MYH14: variants seen among roughly 807,000 people sequenced by gnomAD.
MYH14 encodes myosin heavy chain 14.
A neutral mutation model predicts 255.5 loss-of-function variants in MYH14; 123 were observed. The observed-to-expected ratio is 0.48, with a 90% CI of 0.42 to 0.56. The LOEUF (loss-of-function observed/expected upper bound fraction) is 0.56, where lower values mean the gene tolerates loss of function less well. MYH14 is among the 20% of genes least tolerant of loss of function. The pLI, the probability that MYH14 is intolerant of heterozygous loss-of-function variation, is 0.00. For missense variants in MYH14, 2,423 were observed against 2,802.3 expected (o/e 0.86, Z 3.06); for synonymous variants, 1,095 against 1,161.2 (o/e 0.94, Z 1.16).
In MYH14 at chr19:50,302,268, T is replaced by C. The variant is rs1489066415; in HGVS notation, c.5678+399T>C. ...CACTGCACTCCAGCCTGAGTAACAG[T>C]GGAAGACCTTGTCTCTAAAAAAAAA... On this transcript the variant is annotated intron_variant, in intron 40 of 42. Coordinates refer to ENST00000642316, the MANE Select transcript of MYH14 (RefSeq NM_001145809.2). 2.3e-5 allele frequency among the ~76,000 whole-genome samples: 3 copies of C among 131,588 alleles called. No homozygotes were observed. The East Asian group carries it at 6.9e-4, about 30-fold the overall frequency. The allele number at this position is 131,588 out of a possible 152,430, so 86.3% of individuals were successfully genotyped here. A position where few individuals can be genotyped will look rare whatever the true frequency, so the allele number is the denominator to read the frequency against.
intron 30 of MYH14, 42 bp downstream of exon 30, chr19:50,278,331 T>C (rs2123413204): frequency 1.4e-6 from 2 of 1,405,406 alleles, no homozygotes; most frequent in Non-Finnish European, 1.9e-6. Flanking sequence ...CTGTGTGACC[T>C]TGGTGACATG....
rs1480729843 is a variant in MYH14 at position 50,210,386 on chromosome 19, G to C, written c.21G>C (p.Ser7=). The part of the protein sequence containing the change: MAAVTM[S]VPGRKAPPRP... The stretch of plus-strand genomic sequence containing the variant: ...AGACCATGGCAGCCGTGACCATGTC[G>C]GTGCCCGGGCGGAAGGCGCCCCCCA... The change falls in exon 2 of 43, where the codon TCG becomes TCC. Residue 7 remains serine, a synonymous_variant. Transcript: ENST00000642316. 3 of 1,586,418 alleles carry C rather than the reference G, an allele frequency of 1.9e-6. No individual in the cohort carries two copies. Among genetic ancestry groups the C allele is most frequent in the Non-Finnish European group, 2.6e-6 (3 of 1,167,964 alleles).
chr19:50,271,164 A>G (rs1600992226), intron 24 of MYH14, among the ~76,000 whole-genome samples: 1 of 151,770 alleles, frequency 6.6e-6, no homozygotes, highest in Non-Finnish European at 1.5e-5. Flanking sequence ...AGTCACTTTT[A>G]CCCATCCTCA....
Position 50,221,081 on chromosome 19 carries a change from G to A in MYH14, c.563-2002G>A, listed in dbSNP as rs760949169. Among the ~76,000 whole-genome samples, 2 of 152,130 alleles carry A rather than the reference G, an allele frequency of 1.3e-5. No individual in the cohort carries two copies. Among genetic ancestry groups the A allele is most frequent in the Admixed American group, 6.5e-5 (1 of 15,276 alleles). ...AAAACAGTCATGGTCACACTGGTGGGTGTATGCTGAGGTGGGATTCGAACC... is the reference window on the plus strand; with the variant it reads ...AAAACAGTCATGGTCACACTGGTGGATGTATGCTGAGGTGGGATTCGAACC... On this transcript the variant is annotated intron_variant, in intron 3 of 42. Coordinates refer to ENST00000642316, the MANE Select transcript of MYH14 (RefSeq NM_001145809.2). This position sits in a 1 kb window ranked among gnomAD's most constrained non-coding sequence, Gnocchi z 5.3.
intron 10 of MYH14, among the ~76,000 whole-genome samples, chr19:50,235,090 G>A (rs642371): frequency 0.86 from 131,603 of 152,232 alleles, 57,184 homozygotes; most frequent in South Asian, 0.93. Context: ...CAAAAGTTCC[G>A]GCCAAGTGCA....
In MYH14 at chr19:50,261,594, C is replaced by G. The variant is rs761170226; in HGVS notation, c.2544C>G (p.Ile848Met). 6 of 1,604,238 alleles carry G rather than the reference C, an allele frequency of 3.7e-6. No homozygotes were observed. The Admixed American group carries it at 6.8e-5, about 18-fold the overall frequency. ...GAGACCTGAAGGTCACCGACATCATCGTCTCCTTCCAGGCAGCTGCCCGGG... is the reference window on the plus strand; with the variant it reads ...GAGACCTGAAGGTCACCGACATCATGGTCTCCTTCCAGGCAGCTGCCCGGG... ...EERDLKVTDI[I>M]VSFQAAARGY... is the part of the protein sequence containing the mutation. The change falls in exon 21 of 43, where the codon ATC (isoleucine) becomes ATG (methionine). Residue 848 changes from isoleucine to methionine, a missense_variant. Ile to Met is a conservative substitution (Grantham distance 10, BLOSUM62 1). This residue lies in a region of MYH14 where 1,513 missense variants were observed against 1,674.8 expected (regional missense o/e 0.90). Coordinates refer to ENST00000642316, the MANE Select transcript of MYH14 (RefSeq NM_001145809.2).
At chr19:50,277,461 C>T (rs983671487) in intron 29 of MYH14, among the ~76,000 whole-genome samples, 8 of 151,300 alleles carry the variant, frequency 5.3e-5, no homozygotes, top group Admixed American at 2.0e-4. Context: ...CAAAAACTAG[C>T]TGGGCGTGGT....
intron 21 of MYH14, among the ~76,000 whole-genome samples, chr19:50,262,121 A>G (rs999669617): frequency 1.3e-5 from 2 of 152,092 alleles, no homozygotes; most frequent in Non-Finnish European, 2.9e-5. Flanking sequence ...CCCCCAGGCC[A>G]CACCGGACAA....
chr19:50,309,048 TGGAGGAGGCCGA>T lies in MYH14; in HGVS notation c.5841_5852del (p.Glu1948_Ala1951del), dbSNP rs2036751177. On this transcript the variant is annotated inframe_deletion, in exon 42 of 43. Transcript: ENST00000642316. ...CGAGTCAAGCAGCTGAAGCGGCAGCTGGAGGAGGCCGAGGAGGAGGCATCCCGGGCTCAGGCC... is the reference window on the plus strand; with the variant it reads ...CGAGTCAAGCAGCTGAAGCGGCAGCTGGAGGAGGCATCCCGGGCTCAGGCC... 6.2e-7 allele frequency: 1 copy of T among 1,613,380 alleles called. No individual in the cohort carries two copies. The highest frequency in any genetic ancestry group is 1.3e-5 in the African/African-American group (1 of 74,878).
rs1177330304 is a variant in MYH14, at chr19:50,259,108, G to A, written c.2233-36G>A. 11 of 1,530,116 alleles carry A rather than the reference G, an allele frequency of 7.2e-6. No individual in the cohort carries two copies. The East Asian group carries it at 1.5e-4, about 21-fold the overall frequency. 94.8% of individuals were successfully genotyped at this position (1,530,116 alleles called of 1,614,324 possible). On this transcript the variant is annotated intron_variant, in intron 18 of 42. Transcript: ENST00000642316. The stretch of plus-strand genomic sequence containing the variant: ...GACCGTTTGGCGCCCCCGTGTGGCC[G>A]CCGCTGACCCCCGCGTGTCCGTCCG...
intron 42 of MYH14, 21 bp downstream of exon 42, chr19:50,309,198 G>A: frequency 6.2e-7 from 1 of 1,612,468 alleles, no homozygotes; most frequent in East Asian, 2.2e-5. Flanking sequence ...CCCACGTACA[G>A]GCCTGACGGG....
chr19:50,265,860 TA>T (rs1444356224), intron 22 of MYH14, among the ~76,000 whole-genome samples: 1 of 151,810 alleles, frequency 6.6e-6, no homozygotes. Flanking sequence ...TAATAATAAA[TA>T]AAAAACAGCC....
At chr19:50,208,698 T>C (rs911175109) in intron 1 of MYH14, among the ~76,000 whole-genome samples, 1 of 152,206 alleles carries the variant, frequency 6.6e-6, no homozygotes, top group African/African-American at 2.4e-5. Context: ...CGGGTAACAT[T>C]AATTTAATGA....
At chr19:50,207,144 G>A (rs1225342327) in intron 1 of MYH14, among the ~76,000 whole-genome samples, 1 of 148,290 alleles carries the variant, frequency 6.7e-6, no homozygotes, top group Non-Finnish European at 1.5e-5. Context: ...AGGATCACTT[G>A]AACACAGGAG....
rs1418567235 is a variant in MYH14 at position 50,297,811 on chromosome 19, T to G, written c.5470-3850T>G. 2.0e-5 allele frequency among the ~76,000 whole-genome samples: 3 copies of G among 152,222 alleles called. No homozygotes were observed. The East Asian group carries it at 5.8e-4, about 29-fold the overall frequency. ...ACCATTGCCTGGCCCTCATCTCCTC[T>G]TAAAAGGACACCAGCCGTATCAGAT... On this transcript the variant is annotated intron_variant, in intron 39 of 42. Transcript: ENST00000642316.
chr19:50,254,971 C>T (rs2034539075), intron 16 of MYH14, among the ~76,000 whole-genome samples: 1 of 152,188 alleles, frequency 6.6e-6, no homozygotes. Context: ...ATTCTTTGCA[C>T]TGAATTCTTA....
Position 50,276,682 on chromosome 19 carries a change from AAC to A in MYH14, c.3681-73_3681-72del, listed in dbSNP as rs2035518872. ...ATTTTAAGGAAACATGAAAAGGAGA[AAC>A]AACCAGCTCCCCCAAAGCCCCTGCC... On this transcript the variant is annotated intron_variant, in intron 28 of 42. Coordinates refer to ENST00000642316, the MANE Select transcript of MYH14 (RefSeq NM_001145809.2). This position sits in a 1 kb window ranked among gnomAD's most constrained non-coding sequence, Gnocchi z 4.3. The A allele has an allele frequency of 6.3e-7, 1 of 1,594,308 alleles. No homozygotes were observed. The highest frequency in any genetic ancestry group is 8.6e-7 in the Non-Finnish European group (1 of 1,165,060).
Position 50,252,349 on chromosome 19 carries a change from C to T in MYH14, c.1831-290C>T, listed in dbSNP as rs1215218347. ...AAACCCCGAGGTGGGAGTAAGCTCG[C>T]ATGTTTGAGGAACAGTGCGGAGGCC... On this transcript the variant is annotated intron_variant, in intron 15 of 42. Coordinates refer to ENST00000642316, the MANE Select transcript of MYH14 (RefSeq NM_001145809.2). The surrounding 1 kb of genome is among the most constrained non-coding windows in gnomAD (Gnocchi z 4.2). Among the ~76,000 whole-genome samples the T allele has an allele frequency of 6.6e-6, 1 of 152,062 alleles. No homozygotes were observed. The highest frequency in any genetic ancestry group is 1.5e-5 in the Non-Finnish European group (1 of 68,026).
intron 39 of MYH14, among the ~76,000 whole-genome samples, chr19:50,294,436 T>C (rs1221577676): frequency 6.5e-5 from 1 of 15,366 alleles, no homozygotes; most frequent in Non-Finnish European, 4.2e-4. Flanking sequence ...TTTTTCTAAT[T>C]TTTTTTTTTT....
Sources: allele counts gnomAD v4.1 joint callset (sites outside exome capture counted in the v4.1 genomes callset), GRCh38; gene constraint gnomAD v4.1.1; regional missense constraint gnomAD v4.1.1; non-coding constraint Gnocchi (gnomAD v3.1); transcripts MANE v1.5; gene names NCBI Gene and HGNC (gene_info 2026-07-23, HGNC 2026-07-21).